Variants in CFAP47 observed in about 807,000 individuals in gnomAD.
CFAP47 encodes the protein cilia- and flagella-associated protein 47.
A neutral mutation model predicts 148.1 loss-of-function variants in CFAP47; 29 were observed. The observed-to-expected ratio is 0.20, with a 90% CI of 0.15 to 0.27. The LOEUF is 0.27. Among genes scored for constraint, CFAP47 ranks in the 10% least tolerant of loss-of-function variants. The pLI, the probability that CFAP47 is intolerant of heterozygous loss-of-function variation, is 1.00. For synonymous variants in CFAP47, 664 were observed against 577.3 expected, an observed-to-expected ratio of 1.15 and a Z score of -2.15; for missense variants, 1,872 against 1,697.5, an observed-to-expected ratio of 1.10 and a Z score of -1.81.
At chrX:36,019,477 C>T (rs910706655) in intron 22 of CFAP47, among the ~76,000 whole-genome samples, 4 of 111,847 alleles carry the variant, frequency 3.6e-5, no homozygotes, top group Non-Finnish European at 7.5e-5. Context: ...AAACTCCACA[C>T]ATTCCTTTGT....
intron 57 of CFAP47, among the ~76,000 whole-genome samples, chrX:36,347,215 A>G (rs183609416): frequency 8.9e-6 from 1 of 112,381 alleles, no homozygotes; most frequent in African/African-American, 3.2e-5. Flanking sequence ...AGAGAAATGC[A>G]AATCAAAACC....
At chrX:36,350,798 C>T (rs1200590098) in intron 59 of CFAP47, among the ~76,000 whole-genome samples, 1 of 109,350 alleles carries the variant, frequency 9.1e-6, no homozygotes, top group Non-Finnish European at 1.9e-5. Flanking sequence ...TTTCCCATTG[C>T]CTTCCCAGGA....
At chrX:36,058,826 G>C (rs1037798030) in intron 26 of CFAP47, among the ~76,000 whole-genome samples, 6 of 111,820 alleles carry the variant, frequency 5.4e-5, no homozygotes, top group Admixed American at 9.5e-5. Context: ...CAGATCGTCT[G>C]CTAACTTCCT....
chrX:36,143,986 A>G (rs1375398795), intron 35 of CFAP47, among the ~76,000 whole-genome samples: 2 of 111,270 alleles, frequency 1.8e-5, no homozygotes, highest in East Asian at 2.8e-4. Context: ...TTTCTCACTA[A>G]TTGTCCCATC....
At chrX:36,157,701 A>G (rs191802742) in intron 37 of CFAP47, among the ~76,000 whole-genome samples, 1 of 110,095 alleles carries the variant, frequency 9.1e-6, no homozygotes, top group East Asian at 2.9e-4. Flanking sequence ...TTTTCTAATT[A>G]CTGTATCTCA....
chrX:36,364,512 A>G (rs1188248413), intron 61 of CFAP47, among the ~76,000 whole-genome samples: 1 of 110,131 alleles, frequency 9.1e-6, no homozygotes, highest in African/African-American at 3.3e-5. Context: ...GATGCACATC[A>G]GATAAAGTGG....
rs186731350 is a variant in CFAP47, at chrX:36,133,108, G to T, written c.5321-4850G>T. Among the ~76,000 whole-genome samples, 413 of 111,242 alleles carry T rather than the reference G, an allele frequency of 3.7e-3. 1 individual carries two copies. Among genetic ancestry groups the T allele is most frequent in the Non-Finnish European group, 5.9e-3 (312 of 52,833 alleles). On this transcript the variant is annotated intron_variant, in intron 33 of 63. Coordinates refer to ENST00000378653, the MANE Select transcript of CFAP47 (RefSeq NM_001304548.2). ...GTTGAGTTAGGGTGATTGGCGTATTGGTAGAGGCCAAGTATACACTAGTGA... is the reference window on the plus strand; with the variant it reads ...GTTGAGTTAGGGTGATTGGCGTATTTGTAGAGGCCAAGTATACACTAGTGA...
intron 8 of CFAP47, among the ~76,000 whole-genome samples, chrX:35,964,660 A>G (rs1936377532): frequency 9.0e-6 from 1 of 110,724 alleles, no homozygotes; most frequent in Non-Finnish European, 1.9e-5. Flanking sequence ...ATCCTTATGT[A>G]TCTCTCTTCA....
At chrX:36,102,336 T>C (rs1938390211) in intron 32 of CFAP47, among the ~76,000 whole-genome samples, 1 of 111,765 alleles carries the variant, frequency 8.9e-6, no homozygotes, top group East Asian at 2.8e-4. Flanking sequence ...GTAACACTTA[T>C]TGCCCCAGGT....
chrX:35,991,793 G>T (rs1936792473), intron 16 of CFAP47, 28 bp from the exon 17 acceptor site: 1 of 292,381 alleles, frequency 3.4e-6, no homozygotes. Context: ...ATTCAATTGT[G>T]TTTTTTCTTT....
In CFAP47 at chrX:36,343,672, G is replaced by GTGCCCATC. The variant is rs1462272260; in HGVS notation, c.8444-4457_8444-4456insTGCCCATC. ...CACTATTTACAGTAGCAAAAACTTG[G>GTGCCCATC]AACCAACCCAAATGCCCATCAATGA... On this transcript the variant is annotated intron_variant, in intron 57 of 63. Coordinates refer to ENST00000378653, the MANE Select transcript of CFAP47 (RefSeq NM_001304548.2). Among the ~76,000 whole-genome samples the GTGCCCATC allele has an allele frequency of 2.7e-5, 3 of 111,754 alleles. No individual in the cohort carries two copies. In the East Asian group the frequency reaches 8.5e-4, roughly 31 times the overall value.
intron 57 of CFAP47, among the ~76,000 whole-genome samples, chrX:36,332,279 A>T (rs941364350): frequency 6.3e-4 from 57 of 90,689 alleles, no homozygotes; most frequent in Middle Eastern, 5.9e-3. Context: ...CAAAAATTTA[A>T]TTACAACTGA....
rs1042941537 is a variant in CFAP47 at position 36,149,493 on chromosome X, G to A, written c.5786+270G>A. ...GTCATAGAAACAAGACTATAAGTTGGTTTGTTGTGTACTGCCATTCTGTTT... is the reference window on the plus strand; with the variant it reads ...GTCATAGAAACAAGACTATAAGTTGATTTGTTGTGTACTGCCATTCTGTTT... On this transcript the variant is annotated intron_variant, in intron 37 of 63. Transcript: ENST00000378653. Among the ~76,000 whole-genome samples the A allele has an allele frequency of 2.7e-5, 3 of 110,350 alleles. No individual in the cohort carries two copies. In the Admixed American group the frequency reaches 2.9e-4, roughly 11 times the overall value.
intron 2 of CFAP47, among the ~76,000 whole-genome samples, chrX:35,932,728 G>A (rs894935072): frequency 9.1e-6 from 1 of 110,227 alleles, no homozygotes; most frequent in African/African-American, 3.3e-5. Context: ...CTGGGTTCAA[G>A]TGATTCTCCT....
At chrX:36,015,265 T>C (rs1446352193) in intron 22 of CFAP47, among the ~76,000 whole-genome samples, 1 of 110,461 alleles carries the variant, frequency 9.1e-6, no homozygotes, top group African/African-American at 3.3e-5. Context: ...AATAAGAATT[T>C]TGTTTAAGAA....
intron 62 of CFAP47, chrX:36,375,299 C>G (rs1358762149): frequency 6.6e-6 from 1 of 152,602 alleles, no homozygotes; most frequent in African/African-American, 3.2e-5. Context: ...ATTGGTTGTT[C>G]AGGTGCGTGT....
At chrX:36,091,442 A>G (rs1016681426) in intron 30 of CFAP47, among the ~76,000 whole-genome samples, 1 of 111,397 alleles carries the variant, frequency 9.0e-6, no homozygotes, top group Admixed American at 9.6e-5. Context: ...TTTCAACTTA[A>G]TGGAGACATC....
At chrX:35,967,971 T>TA (rs1021552138) in intron 10 of CFAP47, 139 bp downstream of exon 10, 15 of 279,584 alleles carry the variant, frequency 5.4e-5, no homozygotes, top group Non-Finnish European at 8.4e-5. Flanking sequence ...AAACTGCAAT[T>TA]ATCTTTTCAT....
At position 36,098,731 on chromosome X, in the gene CFAP47, G is replaced by T. The variant is rs377672999; in HGVS notation, c.4917-62G>T. 2.5e-5 allele frequency: 13 copies of T among 528,594 alleles called. No homozygotes were observed. In the East Asian group the frequency reaches 2.9e-4, roughly 12 times the overall value. The allele number at this position is 528,594 out of a possible 1,213,427, so 43.6% of individuals were successfully genotyped here. A position where few individuals can be genotyped will look rare whatever the true frequency, so the allele number is the denominator to read the frequency against. ...TTGAAATATTTAATTGATGGTCAAT[G>T]CAAATCATATATAGAACATGTATAT... On this transcript the variant is annotated intron_variant, in intron 30 of 63. Coordinates refer to ENST00000378653, the MANE Select transcript of CFAP47 (RefSeq NM_001304548.2).
Sources: gnomAD v4.1 joint callset for allele counts (sites outside exome capture counted in the v4.1 genomes callset) on GRCh38, gnomAD v4.1.1 for gene constraint, MANE v1.5 for transcripts, NCBI Gene and HGNC (gene_info 2026-07-23, HGNC 2026-07-21) for gene names.